Variants in VPS35 observed in about 807,000 individuals in gnomAD.
VPS35 encodes the protein vacuolar protein sorting-associated protein 35.
A neutral mutation model predicts 98.1 loss-of-function variants in VPS35; 21 were observed. The ratio of observed to expected loss-of-function variants is 0.21; its 90% CI spans 0.15 to 0.31. The LOEUF is 0.31. Among genes scored for constraint, VPS35 ranks in the 10% least tolerant of loss-of-function variants. VPS35 has a pLI of 1.00. For missense variants in VPS35, 554 were observed against 950.8 expected (o/e 0.58, Z 5.49); for synonymous variants, 268 against 318.2 (o/e 0.84, Z 1.68).
chr16:46,684,960 C>T (rs1477578011), intron 1 of VPS35, among the ~76,000 whole-genome samples: 2 of 152,094 alleles, frequency 1.3e-5, no homozygotes, highest in Non-Finnish European at 2.9e-5. Context: ...TATGATTCCT[C>T]TAATATGAAA....
rs971583174 is a variant in VPS35 at position 46,663,104 on chromosome 16, C to T, written c.1706G>A (p.Ser569Asn). The change falls in exon 14 of 17, where the codon AGT (serine) becomes AAT (asparagine). Residue 569 changes from serine (S) to asparagine (N), a missense_variant. Around this residue, in one of 5 missense-constraint regions of VPS35, gnomAD observed 254 missense variants for 390.1 expected, o/e 0.65. Coordinates refer to ENST00000299138, the MANE Select transcript of VPS35 (RefSeq NM_018206.6). Reference protein sequence around the residue: ...KIFSFAHQTISALIKAELAEL... With the variant: ...KIFSFAHQTINALIKAELAEL... ...TGCCAGCTCTGCTTTGATCAAAGCA[C>T]TGATAGTCTGGTGGGCAAATGAAAA... is the stretch of plus-strand genomic sequence containing the variant. The T allele has an allele frequency of 5.6e-6, 9 of 1,614,064 alleles. No homozygotes were observed. The highest frequency in any genetic ancestry group is 7.6e-6 in the Non-Finnish European group (9 of 1,180,020).
intron 15 of VPS35, 152 bp from the exon 16 acceptor site, chr16:46,662,013 T>C (rs768839433): frequency 3.3e-5 from 44 of 1,334,840 alleles, no homozygotes; most frequent in Non-Finnish European, 4.3e-5. Context: ...TTTTGAAGTA[T>C]ACAGCTGTAT....
intron 13 of VPS35, among the ~76,000 whole-genome samples, chr16:46,663,862 A>ATTTTTTTATTTTTTTTTT (rs1965949493): frequency 3.5e-5 from 1 of 28,676 alleles, no homozygotes; most frequent in Non-Finnish European, 5.9e-5. Context: ...CACCTGGCTA[A>ATTTTTTTATTTTTTTTTT]TTTTTTTTTT....
chr16:46,677,237 C>G, intron 7 of VPS35, 78 bp downstream of exon 7: 2 of 1,357,050 alleles, frequency 1.5e-6, no homozygotes, highest in African/African-American at 2.9e-5. Context: ...CCTATTCCAT[C>G]AAAATTTTTT....
chr16:46,673,153 T>C (rs1166709946), intron 10 of VPS35, among the ~76,000 whole-genome samples: 1 of 152,160 alleles, frequency 6.6e-6, no homozygotes, highest in African/African-American at 2.4e-5. Context: ...TATTTTTTAT[T>C]AGAGACGGGG....
Position 46,689,169 on chromosome 16 carries a change from C to G in VPS35, c.-36G>C, listed in dbSNP as rs749358646. 2 of 1,603,454 alleles carry G rather than the reference C, an allele frequency of 1.2e-6. No individual in the cohort carries two copies. Among genetic ancestry groups the G allele is most frequent in the Non-Finnish European group, 1.7e-6 (2 of 1,176,112 alleles). ...CAGAGCCTGCAGCAAGCAGCACCCGCCCCGCGCGTAGCCTCCCGCGGTCAT... is the reference window on the plus strand; with the variant it reads ...CAGAGCCTGCAGCAAGCAGCACCCGGCCCGCGCGTAGCCTCCCGCGGTCAT... On this transcript the variant is annotated 5_prime_UTR_variant, in exon 1 of 17. Transcript: ENST00000299138.
Position 46,659,438 on chromosome 16 carries a change from T to C in VPS35, c.*1034A>G, listed in dbSNP as rs1965875105. On this transcript the variant is annotated 3_prime_UTR_variant, in exon 17 of 17. Coordinates refer to ENST00000299138, the MANE Select transcript of VPS35 (RefSeq NM_018206.6). ...TATAGTAGGTAACTAGTATCGGTGG[T>C]GAGCCTTTGGGGGGTTTATGTGAAT... 6.6e-6 allele frequency: 1 copy of C among 152,186 alleles called. No homozygotes were observed. The highest frequency in any genetic ancestry group is 1.5e-5 in the Non-Finnish European group (1 of 68,038). 9.4% of individuals were successfully genotyped at this position (152,186 alleles called of 1,614,324 possible). A position where few individuals can be genotyped will look rare whatever the true frequency, so the allele number is the denominator to read the frequency against.
chr16:46,669,075 A>G (rs750216511), intron 12 of VPS35, 23 bp from the exon 13 acceptor site: 2 of 1,614,050 alleles, frequency 1.2e-6, no homozygotes, highest in South Asian at 2.2e-5. Flanking sequence ...CATTAAAGAA[A>G]AAAAAATTTC....
intron 1 of VPS35, among the ~76,000 whole-genome samples, chr16:46,684,809 GATGA>G (rs1966287659): frequency 2.6e-5 from 4 of 152,062 alleles, no homozygotes; most frequent in Admixed American, 2.6e-4. Context: ...ATAATTAATG[GATGA>G]ATAAACAAGT....
At position 46,679,004 on chromosome 16, in the gene VPS35, A is replaced by G; in HGVS notation, c.659T>C (p.Val220Ala). 6.2e-7 allele frequency: 1 copy of G among 1,614,134 alleles called. No homozygotes were observed. Among genetic ancestry groups the G allele is most frequent in the South Asian group, 1.1e-5 (1 of 91,086 alleles). The part of the protein sequence containing the change: ...ERERQELRIL[V>A]GTNLVRLSQL... ...ACTGAGGCGCACCAAATTTGTTCCC[A>G]CTAAAATTCTCAGTTCTTGTCTTTC... Residue 220 changes from valine (V) to alanine (A), a missense_variant, in exon 6 of 17, where the codon GTG becomes GCG. Physicochemically the swap from Val to Ala is moderately conservative, Grantham distance 64. Transcript: ENST00000299138.
chr16:46,688,886 CCA>C, intron 1 of VPS35: 2 of 1,446,822 alleles, frequency 1.4e-6, no homozygotes, highest in South Asian at 2.8e-5. Context: ...CAAGTCAACC[CCA>C]CAGAGAGGCC....
Position 46,657,532 on chromosome 16 carries a change from G to A in VPS35, c.*2940C>T, listed in dbSNP as rs1196041328. The A allele has an allele frequency of 6.6e-6, 1 of 152,158 alleles. No homozygotes were observed. Among genetic ancestry groups the A allele is most frequent in the Admixed American group, 6.6e-5 (1 of 15,264 alleles). The allele number at this position is 152,158 out of a possible 1,614,324, so 9.4% of individuals were successfully genotyped here. On this transcript the variant is annotated 3_prime_UTR_variant, in exon 17 of 17. Coordinates refer to ENST00000299138, the MANE Select transcript of VPS35 (RefSeq NM_018206.6). ...AGCTGCACACGAACTGTACACAAGTGCTCATCATTCTCCTTCTAGGTGCTC... is the reference window on the plus strand; with the variant it reads ...AGCTGCACACGAACTGTACACAAGTACTCATCATTCTCCTTCTAGGTGCTC...
At chr16:46,665,710 G>A (rs758304107) in intron 13 of VPS35, among the ~76,000 whole-genome samples, 5 of 151,830 alleles carry the variant, frequency 3.3e-5, no homozygotes, top group Admixed American at 2.0e-4. Context: ...GCCCTAAATC[G>A]TTTTGATCCC....
Position 46,663,097 on chromosome 16 carries a change from C to G in VPS35, c.1713G>C (p.Leu571Phe), listed in dbSNP as rs1965937208. 1 of 1,614,082 alleles carries G rather than the reference C, an allele frequency of 6.2e-7. No individual in the cohort carries two copies. The highest frequency in any genetic ancestry group is 1.7e-5 in the Admixed American group (1 of 60,010). ...GCAATTCTGCCAGCTCTGCTTTGAT[C>G]AAAGCACTGATAGTCTGGTGGGCAA... is the stretch of plus-strand genomic sequence containing the variant. ...FSFAHQTISA[L>F]IKAELAELPL... is the part of the protein sequence containing the mutation. Residue 571 changes from leucine (L) to phenylalanine (F), a missense_variant, in exon 14 of 17, where the codon TTG (leucine) becomes TTC (phenylalanine). Physicochemically the swap from Leu to Phe is conservative, Grantham distance 22. Coordinates refer to ENST00000299138, the MANE Select transcript of VPS35 (RefSeq NM_018206.6).
In VPS35 at chr16:46,658,206, T is replaced by C. The variant is rs1206209739; in HGVS notation, c.*2266A>G. ...GCTAAATAAACTATTGGACTTGATGTTCCATGAGAATTCATACAACCCTCT... is the reference window on the plus strand; with the variant it reads ...GCTAAATAAACTATTGGACTTGATGCTCCATGAGAATTCATACAACCCTCT... On this transcript the variant is annotated 3_prime_UTR_variant, in exon 17 of 17. Coordinates refer to ENST00000299138, the MANE Select transcript of VPS35 (RefSeq NM_018206.6). The C allele has an allele frequency of 6.5e-6, 1 of 153,360 alleles. No homozygotes were observed. Among genetic ancestry groups the C allele is most frequent in the Non-Finnish European group, 1.5e-5 (1 of 68,044 alleles). The allele number at this position is 153,360 out of a possible 1,614,324, so 9.5% of individuals were successfully genotyped here.
At chr16:46,685,620 G>A (rs1966298674) in intron 1 of VPS35, among the ~76,000 whole-genome samples, 1 of 152,112 alleles carries the variant, frequency 6.6e-6, no homozygotes, top group South Asian at 2.1e-4. Flanking sequence ...TAAAATGCTG[G>A]TTTCAGAGGC....
chr16:46,661,886 G>C lies in VPS35; in HGVS notation c.2068-25C>G, dbSNP rs1200856138. 5 of 1,613,864 alleles carry C rather than the reference G, an allele frequency of 3.1e-6. No individual in the cohort carries two copies. In the Admixed American group the frequency reaches 8.3e-5, roughly 27 times the overall value. ...GCTAAAATAAAAGGGCAGGGGGACA[G>C]TGAAGAGATTAATGAAACATCTCGT... is the stretch of plus-strand genomic sequence containing the variant. On this transcript the variant is annotated intron_variant, in intron 15 of 16. Coordinates refer to ENST00000299138, the MANE Select transcript of VPS35 (RefSeq NM_018206.6). This position sits in a 1 kb window ranked among gnomAD's most constrained non-coding sequence, Gnocchi z 4.3.
rs747325352 is a variant in VPS35, at chr16:46,671,734, G to A, written c.1495C>T (p.Arg499Cys). ...TACTGCTGGTCAGGGTCCTCAGAGCGCAGCAGATGAATGAAGCGGCCCACA... is the reference window on the plus strand; with the variant it reads ...TACTGCTGGTCAGGGTCCTCAGAGCACAGCAGATGAATGAAGCGGCCCACA... ...SLVGRFIHLL[R>C]SEDPDQQYLI... The change falls in exon 12 of 17, where the codon CGC becomes TGC. Residue 499 changes from arginine (R) to cysteine (C), a missense_variant. Arg to Cys is a radical substitution (Grantham distance 180). This residue lies in a region of VPS35 where 254 missense variants were observed against 390.1 expected (regional missense o/e 0.65). Coordinates refer to ENST00000299138, the MANE Select transcript of VPS35 (RefSeq NM_018206.6). 32 of 1,614,026 alleles carry A rather than the reference G, an allele frequency of 2.0e-5. No homozygotes were observed. The highest frequency in any genetic ancestry group is 4.5e-5 in the East Asian group (2 of 44,890).
At chr16:46,687,696 T>C (rs974982105) in intron 1 of VPS35, among the ~76,000 whole-genome samples, 1 of 151,986 alleles carries the variant, frequency 6.6e-6, no homozygotes, top group Non-Finnish European at 1.5e-5. Flanking sequence ...ACACAAGATG[T>C]TTGATGAATT....
Sources: allele counts gnomAD v4.1 joint callset (sites outside exome capture counted in the v4.1 genomes callset), GRCh38; gene constraint gnomAD v4.1.1; regional missense constraint gnomAD v4.1.1; non-coding constraint Gnocchi (gnomAD v3.1); transcripts MANE v1.5; gene names NCBI Gene and HGNC (gene_info 2026-07-23, HGNC 2026-07-21).